Variants in CCDC73 observed in about 807,000 individuals in gnomAD.
CCDC73 encodes the protein coiled-coil domain-containing protein 73.
A neutral mutation model predicts 116.5 loss-of-function variants in CCDC73; 95 were observed. The observed-to-expected ratio is 0.82, with a 90% CI of 0.69 to 0.97. CCDC73 has a LOEUF of 0.97. Among genes scored for constraint, CCDC73 ranks in the 50% least tolerant of loss-of-function variants. The probability of loss-of-function intolerance (pLI) is 0.00; values close to 1 mark genes in which losing one functional copy is unlikely to be tolerated. For synonymous variants in CCDC73, 398 were observed against 401.3 expected (o/e 0.99, Z 0.10); for missense variants, 1,066 against 1,206.8 (o/e 0.88, Z 1.73).
At chr11:32,682,358 T>C (rs1406299140) in intron 7 of CCDC73, 4 of 152,092 alleles carry the variant, frequency 2.6e-5, no homozygotes, top group Middle Eastern at 3.4e-3. Context: ...ATTAAAATCA[T>C]GGTTTAAAAT....
At chr11:32,713,262 G>C (rs1849917632) in intron 3 of CCDC73, among the ~76,000 whole-genome samples, 1 of 152,090 alleles carries the variant, frequency 6.6e-6, no homozygotes, top group African/African-American at 2.4e-5. Context: ...AACCAGCCCA[G>C]ATGACAGAAC....
chr11:32,799,977 T>C, the CCDC73 span, among the ~76,000 whole-genome samples: 1 of 152,254 alleles, frequency 6.6e-6, no homozygotes. Flanking sequence ...GCGCAGTGCT[T>C]GGCACATAAC....
the CCDC73 span, among the ~76,000 whole-genome samples, chr11:32,803,651 A>T: frequency 2.0e-5 from 3 of 152,238 alleles, no homozygotes; most frequent in African/African-American, 7.2e-5. Context: ...TTAATCAATT[A>T]TCCTAGATAG....
intron 1 of CCDC73, among the ~76,000 whole-genome samples, chr11:32,762,401 C>G (rs988545351): frequency 1.3e-5 from 2 of 152,094 alleles, no homozygotes; most frequent in Non-Finnish European, 2.9e-5. Flanking sequence ...GCAAATGAAG[C>G]AAAATTAAAC....
chr11:32,628,976 C>T (rs561193398), intron 14 of CCDC73, among the ~76,000 whole-genome samples: 6 of 151,646 alleles, frequency 4.0e-5, no homozygotes, highest in East Asian at 3.9e-4. Flanking sequence ...AAGAAAAAAA[C>T]GAACCAAATG....
intron 6 of CCDC73, among the ~76,000 whole-genome samples, chr11:32,689,248 T>A (rs1398260625): frequency 2.0e-5 from 3 of 151,480 alleles, no homozygotes; most frequent in African/African-American, 2.4e-5. Context: ...ACATCCTAGA[T>A]GATAAATTAA....
chr11:32,764,515 G>A (rs1356392758), intron 1 of CCDC73, among the ~76,000 whole-genome samples: 1 of 152,118 alleles, frequency 6.6e-6, no homozygotes, highest in Non-Finnish European at 1.5e-5. Context: ...GCCAAACTAT[G>A]CTTCATAAAT....
At chr11:32,701,983 A>C (rs1432975341) in intron 4 of CCDC73, among the ~76,000 whole-genome samples, 2 of 152,204 alleles carry the variant, frequency 1.3e-5, no homozygotes, top group African/African-American at 2.4e-5. Flanking sequence ...CCTTTGTGAC[A>C]GCAGAGATGT....
the CCDC73 span, chr11:32,830,539 C>A: frequency 6.3e-7 from 1 of 1,583,894 alleles, no homozygotes; most frequent in Non-Finnish European, 8.5e-7. Context: ...TATGTTTACG[C>A]TTCTGGTTCT....
intron 12 of CCDC73, among the ~76,000 whole-genome samples, chr11:32,642,956 T>C (rs1450122781): frequency 1.3e-5 from 2 of 151,824 alleles, no homozygotes; most frequent in East Asian, 3.9e-4. Flanking sequence ...TTCCAGAAAT[T>C]GTCTATATAA....
At chr11:32,793,019 A>C (rs1198155482) in intron 1 of CCDC73, among the ~76,000 whole-genome samples, 2 of 152,164 alleles carry the variant, frequency 1.3e-5, no homozygotes. Flanking sequence ...TTATTACGGG[A>C]TACACGGCCA....
At chr11:32,648,293 T>C (rs1855796184) in intron 12 of CCDC73, among the ~76,000 whole-genome samples, 1 of 152,258 alleles carries the variant, frequency 6.6e-6, no homozygotes, top group South Asian at 2.1e-4. Flanking sequence ...GTACTATTAC[T>C]GTTTCCTCCC....
rs143731230 is a variant in CCDC73, at chr11:32,759,146, G to A, written c.135+963C>T. Among the ~76,000 whole-genome samples, 477 of 151,402 alleles carry A rather than the reference G, an allele frequency of 3.2e-3. 2 individuals are homozygous for A. Among genetic ancestry groups the A allele is most frequent in the African/African-American group, 0.011 (462 of 41,260 alleles). ...TCTTCATGGTCATATATATGTCCTA[G>A]TGAACTCATTTCTATATCCTTATTG... On this transcript the variant is annotated intron_variant, in intron 2 of 17. Transcript: ENST00000335185.
At chr11:32,743,956 T>C (rs1379217791) in intron 2 of CCDC73, among the ~76,000 whole-genome samples, 1 of 152,022 alleles carries the variant, frequency 6.6e-6, no homozygotes, top group East Asian at 1.9e-4. Context: ...TGAATAGGAG[T>C]GGTGAGAGAG....
intron 17 of CCDC73, chr11:32,604,083 TA>T (rs1855313395): frequency 6.6e-6 from 1 of 151,940 alleles, no homozygotes; most frequent in Non-Finnish European, 1.5e-5. Flanking sequence ...AAATAATAGA[TA>T]AAACAAAAGG....
intron 12 of CCDC73, among the ~76,000 whole-genome samples, chr11:32,650,835 T>C (rs1403509462): frequency 6.6e-6 from 1 of 152,200 alleles, no homozygotes; most frequent in African/African-American, 2.4e-5. Context: ...CATTCAATGA[T>C]AGACTCTGCA....
At chr11:32,751,427 T>C (rs146507970) in intron 2 of CCDC73, among the ~76,000 whole-genome samples, 25 of 152,280 alleles carry the variant, frequency 1.6e-4, no homozygotes, top group Non-Finnish European at 2.6e-4. Context: ...GTAGTCCTTG[T>C]GGCCTAGATT....
At chr11:32,762,561 A>T (rs992059200) in intron 1 of CCDC73, among the ~76,000 whole-genome samples, 3 of 152,170 alleles carry the variant, frequency 2.0e-5, no homozygotes, top group African/African-American at 7.2e-5. Flanking sequence ...CTTCTACAGG[A>T]GAGGTGCCTT....
intron 6 of CCDC73, among the ~76,000 whole-genome samples, chr11:32,692,046 T>TCC (rs1856264251): frequency 1.1e-5 from 1 of 92,364 alleles, no homozygotes; most frequent in African/African-American, 5.0e-5. Flanking sequence ...AGACTCCGTC[T>TCC]CACAAAAAAA....
Sources: allele counts gnomAD v4.1 joint callset (sites outside exome capture counted in the v4.1 genomes callset), GRCh38; gene constraint gnomAD v4.1.1; transcripts MANE v1.5; gene names NCBI Gene and HGNC (gene_info 2026-07-23, HGNC 2026-07-21).